The following ZCCHC2 variants were observed in gnomAD, a reference collection of about 807,000 sequenced individuals.
ZCCHC2 encodes the protein zinc finger CCHC domain-containing protein 2.
A neutral mutation model predicts 103.6 loss-of-function variants in ZCCHC2; 39 were observed. That is an observed-to-expected ratio of 0.38 (90% CI 0.29 to 0.49). The LOEUF (loss-of-function observed/expected upper bound fraction) is 0.49, where lower values mean the gene tolerates loss of function less well. Ranked by LOEUF, ZCCHC2 falls within the 20% of genes least tolerant of loss-of-function variation. ZCCHC2 has a pLI of 0.96. For synonymous variants in ZCCHC2, 687 were observed against 608.9 expected, an observed-to-expected ratio of 1.13 and a Z score of -1.89; for missense variants, 1,483 against 1,491.0, an observed-to-expected ratio of 0.99 and a Z score of 0.09.
Position 62,556,186 on chromosome 18 carries a change from T to C in ZCCHC2, c.1314-17T>C. 1 of 1,570,450 alleles carries C rather than the reference T, an allele frequency of 6.4e-7. No individual in the cohort carries two copies. Among genetic ancestry groups the C allele is most frequent in the Non-Finnish European group, 8.7e-7 (1 of 1,155,718 alleles). On this transcript the variant is annotated splice_polypyrimidine_tract_variant and intron_variant, in intron 5 of 13. Coordinates refer to ENST00000269499, the MANE Select transcript of ZCCHC2 (RefSeq NM_017742.6). ...CATTACCTGAAATTAACAAATCTCTTTTCTTTTTATGTGCAGGCAGCTATT... is the reference window on the plus strand; with the variant it reads ...CATTACCTGAAATTAACAAATCTCTCTTCTTTTTATGTGCAGGCAGCTATT...
intron 1 of ZCCHC2, among the ~76,000 whole-genome samples, chr18:62,535,819 C>T (rs1001231902): frequency 2.6e-4 from 39 of 152,200 alleles, no homozygotes; most frequent in Admixed American, 2.4e-3. Flanking sequence ...TAATCCGCCA[C>T]GGAAGCTTAA....
chr18:62,533,209 T>G (rs1226542216), intron 1 of ZCCHC2, among the ~76,000 whole-genome samples: 1 of 152,200 alleles, frequency 6.6e-6, no homozygotes, highest in Non-Finnish European at 1.5e-5. Context: ...TTCCTGTGTT[T>G]GGACTTGGAA....
At chr18:62,533,354 T>C (rs1284511266) in intron 1 of ZCCHC2, among the ~76,000 whole-genome samples, 2 of 151,144 alleles carry the variant, frequency 1.3e-5, no homozygotes, top group Non-Finnish European at 2.9e-5. Context: ...AGTGAAACCC[T>C]GTCTCTACTA....
chr18:62,528,467 C>T (rs1362935183), intron 1 of ZCCHC2, among the ~76,000 whole-genome samples: 1 of 152,052 alleles, frequency 6.6e-6, no homozygotes, highest in African/African-American at 2.4e-5. Context: ...GGCATGGTGG[C>T]ACATGCCTGT....
At position 62,523,781 on chromosome 18, in the gene ZCCHC2, G is replaced by A; in HGVS notation, c.357G>A (p.Leu119=). ...GCCTGGAGTTCATGTGCGGGCTGCT[G>A]GACCTGTGCAACCCGCTGGAGCTGC... The part of the protein sequence containing the change: ...AQRLEFMCGL[L]DLCNPLELRF... The change falls in exon 1 of 14, where the codon CTG becomes CTA. Residue 119 remains leucine (L), a synonymous_variant. Coordinates refer to ENST00000269499, the MANE Select transcript of ZCCHC2 (RefSeq NM_017742.6). 1 of 1,539,026 alleles carries A rather than the reference G, an allele frequency of 6.5e-7. No individual in the cohort carries two copies. Among genetic ancestry groups the A allele is most frequent in the Non-Finnish European group, 8.7e-7 (1 of 1,145,874 alleles).
chr18:62,523,713 C>T lies in ZCCHC2; in HGVS notation c.289C>T (p.Arg97Trp), dbSNP rs1239928458. The change falls in exon 1 of 14, where the codon CGG (arginine) becomes TGG (tryptophan). Residue 97 changes from arginine (R) to tryptophan (W), a missense_variant. By Grantham distance (101) the Arg-to-Trp change is moderately radical. Transcript: ENST00000269499. ...GPSAALREQE[R>W]VYEWFGLVLG... ...CTCGGCGGCGCTGCGCGAGCAGGAG[C>T]GGGTATACGAGTGGTTCGGGCTGGT... 6.8e-7 allele frequency: 1 copy of T among 1,473,162 alleles called. No homozygotes were observed. The highest frequency in any genetic ancestry group is 2.4e-5 in the Admixed American group (1 of 41,896). 91.3% of individuals were successfully genotyped at this position (1,473,162 alleles called of 1,614,324 possible).
intron 2 of ZCCHC2, among the ~76,000 whole-genome samples, chr18:62,542,156 A>G (rs1915218453): frequency 6.6e-6 from 1 of 152,230 alleles, no homozygotes; most frequent in South Asian, 2.1e-4. Flanking sequence ...TAATCTGAAT[A>G]ACAAGTTGGA....
intron 9 of ZCCHC2, among the ~76,000 whole-genome samples, chr18:62,563,911 A>T (rs1386077951): frequency 6.6e-6 from 1 of 152,164 alleles, no homozygotes; most frequent in Non-Finnish European, 1.5e-5. Flanking sequence ...GTGATCAGAG[A>T]GCAGAATGCT....
At chr18:62,565,878 A>G (rs1316473439) in intron 11 of ZCCHC2, among the ~76,000 whole-genome samples, 1 of 152,340 alleles carries the variant, frequency 6.6e-6, no homozygotes, top group South Asian at 2.1e-4. Flanking sequence ...AGTTTTGAGT[A>G]TATTTTTCAA....
downstream of ZCCHC2, among the ~76,000 whole-genome samples, chr18:62,583,430 T>G (rs1917086391): frequency 6.6e-6 from 1 of 152,156 alleles, no homozygotes; most frequent in Non-Finnish European, 1.5e-5. Context: ...AAGAATCAAA[T>G]TTTTCTGAAA....
Position 62,550,454 on chromosome 18 carries a change from T to C in ZCCHC2, c.1307T>C (p.Ile436Thr). The C allele has an allele frequency of 1.2e-6, 2 of 1,612,186 alleles. No individual in the cohort carries two copies. The highest frequency in any genetic ancestry group is 1.7e-6 in the Non-Finnish European group (2 of 1,178,952). Residue 436 changes from isoleucine (I) to threonine (T), a missense_variant, in exon 5 of 14, where the codon ATC (isoleucine) becomes ACC (threonine). This residue lies in a region of ZCCHC2 where 884 missense variants were observed against 907.5 expected (regional missense o/e 0.97). Transcript: ENST00000269499. ...CGGCGACATCCTGACCTAGAGCCCA[T>C]CCTAAGGTAATGATTTACCTGACGC... ...EERRHPDLEP[I>T]LRQLFSSSSQ...
intron 5 of ZCCHC2, among the ~76,000 whole-genome samples, chr18:62,555,508 C>G (rs146916049): frequency 1.3e-5 from 2 of 152,110 alleles, no homozygotes; most frequent in Non-Finnish European, 1.5e-5. Context: ...TGGGAATGCC[C>G]GTTAATACTA....
chr18:62,560,436 A>G, intron 7 of ZCCHC2, 151 bp from the exon 8 acceptor site: 1 of 494,056 alleles, frequency 2.0e-6, no homozygotes, highest in Non-Finnish European at 3.5e-6. Context: ...TTTTTGAAAA[A>G]TTGCTTAAGA....
intron 11 of ZCCHC2, among the ~76,000 whole-genome samples, chr18:62,565,602 G>A (rs1916330213): frequency 6.6e-6 from 1 of 151,354 alleles, no homozygotes; most frequent in Admixed American, 6.6e-5. Flanking sequence ...ACTATTTTAA[G>A]GTCCCTTTAT....
Position 62,523,822 on chromosome 18 carries a change from G to C in ZCCHC2, c.398G>C (p.Cys133Ser). 1 of 1,544,498 alleles carries C rather than the reference G, an allele frequency of 6.5e-7. No individual in the cohort carries two copies. Among genetic ancestry groups the C allele is most frequent in the Non-Finnish European group, 8.7e-7 (1 of 1,146,324 alleles). Residue 133 changes from cysteine to serine, a missense_variant, in exon 1 of 14, where the codon TGC becomes TCC. Around this residue, in one of 3 missense-constraint regions of ZCCHC2, gnomAD observed 568 missense variants for 525.1 expected, o/e 1.08. Transcript: ENST00000269499. ...CTGGAGCTGCGCTTCCTTGGCTCGT[G>C]CCTGGAGGACCTGGCGCGCAAGGAC... ...NPLELRFLGSCLEDLARKDYH... is the reference protein window; with the variant it reads ...NPLELRFLGSSLEDLARKDYH...
intron 4 of ZCCHC2, among the ~76,000 whole-genome samples, chr18:62,545,986 G>A (rs1210362806): frequency 1.3e-5 from 2 of 152,218 alleles, no homozygotes; most frequent in African/African-American, 2.4e-5. Context: ...TGTGAATGAA[G>A]TAGCACCCAG....
chr18:62,579,947 T>G (rs1598972505), downstream of ZCCHC2, among the ~76,000 whole-genome samples: 1 of 152,070 alleles, frequency 6.6e-6, no homozygotes, highest in Non-Finnish European at 1.5e-5. Flanking sequence ...GCCAGGCTGG[T>G]CTCGAACTCC....
At chr18:62,558,911 A>G (rs1598953251) in intron 7 of ZCCHC2, 141 bp downstream of exon 7, 1 of 508,646 alleles carries the variant, frequency 2.0e-6, no homozygotes, top group East Asian at 3.3e-5. Context: ...GGAATAGACC[A>G]TTCAATAAAT....
chr18:62,523,529 GCGCCGCCGCCGCGACTGCCGCCCCC>G lies in ZCCHC2; in HGVS notation c.118_142del (p.Asp40ArgfsTer233). The G allele has an allele frequency of 3.2e-6, 3 of 948,248 alleles. No individual in the cohort carries two copies. The highest frequency in any genetic ancestry group is 3.7e-6 in the Non-Finnish European group (3 of 809,692). 58.7% of individuals were successfully genotyped at this position (948,248 alleles called of 1,614,324 possible). A position where few individuals can be genotyped will look rare whatever the true frequency, so the allele number is the denominator to read the frequency against. On this transcript the variant is annotated frameshift_variant, in exon 1 of 14. Transcript: ENST00000269499. LOFTEE classifies it high-confidence loss of function. ...CGCGGCCGGGCGCGAAGGCGCCTTCGCGCCGCCGCCGCGACTGCCGCCCCCCGCCGCCGCCGCCGCCGCCCGCGGG... is the reference window on the plus strand; with the variant it reads ...CGCGGCCGGGCGCGAAGGCGCCTTCGCGCCGCCGCCGCCGCCGCCCGCGGG...
Sources: gnomAD v4.1 joint callset for allele counts (sites outside exome capture counted in the v4.1 genomes callset) on GRCh38, gnomAD v4.1.1 for gene constraint, gnomAD v4.1.1 regional missense constraint, MANE v1.5 for transcripts, NCBI Gene and HGNC (gene_info 2026-07-23, HGNC 2026-07-21) for gene names.